The following EPHA5 variants were observed in gnomAD, a reference collection of about 807,000 sequenced individuals.
EPHA5 encodes the protein EPH receptor A5.
A neutral mutation model predicts 105.0 loss-of-function variants in EPHA5; 60 were observed. That is an observed-to-expected ratio of 0.57 (90% CI 0.46 to 0.71). The LOEUF is 0.71. EPHA5 is among the 30% of genes least tolerant of loss of function. EPHA5 has a pLI of 0.00. For missense variants in EPHA5, 1,218 were observed against 1,274.7 expected, an observed-to-expected ratio of 0.96 and a Z score of 0.68; for synonymous variants, 513 against 449.1, an observed-to-expected ratio of 1.14 and a Z score of -1.80.
At chr4:65,404,035 A>T (rs1722111185) in intron 8 of EPHA5, among the ~76,000 whole-genome samples, 1 of 152,130 alleles carries the variant, frequency 6.6e-6, no homozygotes, top group Non-Finnish European at 1.5e-5. Flanking sequence ...TGCTAATTAA[A>T]CTTGAAGCAG....
At chr4:65,372,074 G>C (rs903841020) in intron 8 of EPHA5, among the ~76,000 whole-genome samples, 5 of 151,874 alleles carry the variant, frequency 3.3e-5, no homozygotes, top group Non-Finnish European at 1.5e-5. Context: ...CTCGTTTAAA[G>C]CCACATTTCT....
intron 8 of EPHA5, among the ~76,000 whole-genome samples, chr4:65,376,220 T>C (rs1311082518): frequency 6.6e-6 from 1 of 152,034 alleles, no homozygotes; most frequent in East Asian, 1.9e-4. Flanking sequence ...TGGCAAATTC[T>C]GACTACAAAT....
chr4:65,423,180 AT>A (rs1365408987), intron 5 of EPHA5, among the ~76,000 whole-genome samples: 4 of 152,006 alleles, frequency 2.6e-5, no homozygotes, highest in Middle Eastern at 3.2e-3. Context: ...TTTTTTCATG[AT>A]TAAAATGGGG....
intron 13 of EPHA5, among the ~76,000 whole-genome samples, chr4:65,351,100 A>T (rs574918681): frequency 6.6e-6 from 1 of 152,056 alleles, no homozygotes; most frequent in South Asian, 2.1e-4. Context: ...GAAATTTAAG[A>T]TGATTATTCT....
chr4:65,397,433 C>T (rs1578012243), intron 8 of EPHA5, among the ~76,000 whole-genome samples: 1 of 152,088 alleles, frequency 6.6e-6, no homozygotes, highest in Non-Finnish European at 1.5e-5. Flanking sequence ...CCACCTAAAA[C>T]ATTTTTGTCA....
intron 8 of EPHA5, among the ~76,000 whole-genome samples, chr4:65,401,568 A>G (rs1006470883): frequency 2.2e-4 from 33 of 152,146 alleles, no homozygotes; most frequent in African/African-American, 8.0e-4. Flanking sequence ...TATAAGCCTC[A>G]GATTCGTTTT....
chr4:65,367,248 A>C lies in EPHA5; in HGVS notation c.1861+109T>G, dbSNP rs554291891. ...AATAGAACACTTTTAAAAAAAAAAA[A>C]AACAATATTTTGGTCAGTTATTATA... is the stretch of plus-strand genomic sequence containing the variant. On this transcript the variant is annotated intron_variant, in intron 9 of 16. Transcript: ENST00000613740. The C allele has an allele frequency of 1.2e-3, 1,131 of 912,558 alleles. 1 individual carries two copies. Among genetic ancestry groups the C allele is most frequent in the Non-Finnish European group, 1.6e-3 (975 of 619,120 alleles). 56.5% of individuals were successfully genotyped at this position (912,558 alleles called of 1,614,324 possible).
chr4:65,476,121 A>AGTGTGTGTGTGTGT (rs1265229948), intron 5 of EPHA5, among the ~76,000 whole-genome samples: 2 of 133,160 alleles, frequency 1.5e-5, no homozygotes, highest in African/African-American at 5.7e-5. Context: ...AGAGAGAGAG[A>AGTGTGTGTGTGTGT]GAGAGAGTGT....
Position 65,320,324 on chromosome 4 carries a change from TTCATCATCATCA to T in EPHA5, c.*3778_*3789del, listed in dbSNP as rs141281063. 4.4e-6 allele frequency: 1 copy of T among 226,774 alleles called. No homozygotes were observed. Among genetic ancestry groups the T allele is most frequent in the Admixed American group, 5.7e-5 (1 of 17,402 alleles). 14.0% of individuals were successfully genotyped at this position (226,774 alleles called of 1,614,324 possible). A position where few individuals can be genotyped will look rare whatever the true frequency, so the allele number is the denominator to read the frequency against. ...GCTAGCATTTTGATTCCATTTATTCTTCATCATCATCATCATCATCATCATCAGGATCATCAT... is the reference window on the plus strand; with the variant it reads ...GCTAGCATTTTGATTCCATTTATTCTTCATCATCATCATCAGGATCATCAT... On this transcript the variant is annotated 3_prime_UTR_variant, in exon 17 of 17. Transcript: ENST00000613740.
intron 3 of EPHA5, among the ~76,000 whole-genome samples, chr4:65,525,703 T>G (rs1383688165): frequency 6.6e-6 from 1 of 151,950 alleles, no homozygotes; most frequent in Non-Finnish European, 1.5e-5. Flanking sequence ...AGACTCATCA[T>G]TTTCTCAAAG....
intron 8 of EPHA5, 41 bp from the exon 9 acceptor site, chr4:65,367,465 G>A (rs1162159448): frequency 3.2e-6 from 5 of 1,582,148 alleles, no homozygotes; most frequent in Admixed American, 1.7e-5. Context: ...TCTGAAAGTG[G>A]TGAATCAGTC....
chr4:65,589,698 C>T (rs1220935935), intron 3 of EPHA5, among the ~76,000 whole-genome samples: 1 of 152,010 alleles, frequency 6.6e-6, no homozygotes, highest in Non-Finnish European at 1.5e-5. Context: ...ATAAATAATA[C>T]AGGTCAGTCT....
At chr4:65,590,287 A>G (rs2149413919) in intron 3 of EPHA5, among the ~76,000 whole-genome samples, 1 of 152,298 alleles carries the variant, frequency 6.6e-6, no homozygotes, top group Admixed American at 6.5e-5. Flanking sequence ...TTTGGTTCTT[A>G]CAGATGAAAC....
chr4:65,483,035 A>G (rs1730533889), intron 5 of EPHA5, among the ~76,000 whole-genome samples: 1 of 151,926 alleles, frequency 6.6e-6, no homozygotes. Context: ...AACAGGCCCC[A>G]GGGTGTGATG....
intron 2 of EPHA5, among the ~76,000 whole-genome samples, chr4:65,634,178 T>A (rs1240167547): frequency 1.3e-5 from 2 of 152,110 alleles, no homozygotes; most frequent in Non-Finnish European, 2.9e-5. Flanking sequence ...TTTTCCAATT[T>A]ATGAGTTTCT....
chr4:65,657,540 A>G lies in EPHA5; in HGVS notation c.181+12022T>C, dbSNP rs544989054. Among the ~76,000 whole-genome samples, 3 of 152,284 alleles carry G rather than the reference A, an allele frequency of 2.0e-5. No individual in the cohort carries two copies. The South Asian group carries it at 6.2e-4, about 32-fold the overall frequency. ...ATCTAAAATACAGTATTCTACTAAC[A>G]AATTTCTTGGAATTAACTCGCTTTG... On this transcript the variant is annotated intron_variant, in intron 1 of 16. Transcript: ENST00000613740.
At chr4:65,569,017 G>A (rs1739846780) in intron 3 of EPHA5, among the ~76,000 whole-genome samples, 1 of 151,256 alleles carries the variant, frequency 6.6e-6, no homozygotes, top group South Asian at 2.1e-4. Flanking sequence ...TGATTGAAAA[G>A]CAACATTTAG....
At chr4:65,478,462 T>C (rs764021109) in intron 5 of EPHA5, among the ~76,000 whole-genome samples, 5 of 152,196 alleles carry the variant, frequency 3.3e-5, no homozygotes, top group Non-Finnish European at 2.9e-5. Flanking sequence ...TTGCTCTTAG[T>C]TTGATACTGT....
intron 1 of EPHA5, among the ~76,000 whole-genome samples, chr4:65,646,753 G>C (rs1354458841): frequency 6.6e-6 from 1 of 151,948 alleles, no homozygotes; most frequent in East Asian, 1.9e-4. Flanking sequence ...AGCATATTTG[G>C]GGGCCTTCTT....
Sources: allele counts gnomAD v4.1 joint callset (sites outside exome capture counted in the v4.1 genomes callset), GRCh38; gene constraint gnomAD v4.1.1; transcripts MANE v1.5; gene names NCBI Gene and HGNC (gene_info 2026-07-23, HGNC 2026-07-21).